The following PITPNA variants were observed in gnomAD, a reference collection of about 807,000 sequenced individuals.
PITPNA encodes phosphatidylinositol transfer protein alpha isoform.
PITPNA carries 13 observed loss-of-function variants against 50.3 expected under a neutral mutation model. That is an observed-to-expected ratio of 0.26 (90% confidence interval 0.17 to 0.41). The LOEUF (loss-of-function observed/expected upper bound fraction) is 0.41. Among genes scored for constraint, PITPNA ranks in the 10% least tolerant of loss-of-function variants. The pLI, the probability that PITPNA is intolerant of heterozygous loss-of-function variation, is 1.00. For synonymous variants in PITPNA, 120 were observed against 119.6 expected (o/e 1.00, Z -0.02); for missense variants, 207 against 333.4 (o/e 0.62, Z 2.95).
At chr17:1,556,941 AAATATTAT>A (rs543615976) in intron 2 of PITPNA, among the ~76,000 whole-genome samples, 97 of 152,240 alleles carry the variant, frequency 6.4e-4, no homozygotes, top group Admixed American at 3.3e-3. Context: ...TATTTAAAAT[AAATATTAT>A]AAAATAAAAA....
At chr17:1,543,076 G>A (rs2075655939) in intron 4 of PITPNA, 49 bp from the exon 5 acceptor site, 1 of 1,489,108 alleles carries the variant, frequency 6.7e-7, no homozygotes, top group African/African-American at 1.4e-5. Context: ...GATTAATGAA[G>A]ATGAAGAAAT....
chr17:1,541,460 G>T, intron 6 of PITPNA, 106 bp downstream of exon 6: 2 of 812,104 alleles, frequency 2.5e-6, no homozygotes, highest in Non-Finnish European at 4.3e-6. Context: ...TGCCTTCCCG[G>T]CCAGGCAAAA....
In PITPNA at chr17:1,534,161, C is replaced by T. The variant is rs917338059; in HGVS notation, c.706G>A (p.Val236Ile). 3.1e-6 allele frequency: 5 copies of T among 1,613,926 alleles called. No individual in the cohort carries two copies. Among genetic ancestry groups the T allele is most frequent in the Non-Finnish European group, 4.2e-6 (5 of 1,179,864 alleles). ...RQLFCWLDKW[V>I]DLTMDDIRRM... is the part of the protein sequence containing the mutation. ...CGAATGTCGTCCATGGTCAGGTCAA[C>T]CCACTTATCGAGCCAACAGAACAGC... The change falls in exon 10 of 12, where the codon GTT (valine) becomes ATT (isoleucine). Residue 236 changes from valine (V) to isoleucine (I), a missense_variant. By Grantham distance (29) the Val-to-Ile change is conservative (BLOSUM62 3). Transcript: ENST00000313486.
At chr17:1,546,748 G>T (rs576386633) in intron 4 of PITPNA, among the ~76,000 whole-genome samples, 1 of 152,244 alleles carries the variant, frequency 6.6e-6, no homozygotes, top group South Asian at 2.1e-4. Flanking sequence ...AGATGGCCCT[G>T]GAAACCTAGG....
At chr17:1,542,284 C>T (rs961825963) in intron 5 of PITPNA, among the ~76,000 whole-genome samples, 1 of 152,062 alleles carries the variant, frequency 6.6e-6, no homozygotes, top group Non-Finnish European at 1.5e-5. Flanking sequence ...ATGCATTTAG[C>T]CACTCTGGGT....
chr17:1,520,952 A>C (rs2075507759), intron 11 of PITPNA, among the ~76,000 whole-genome samples: 1 of 152,108 alleles, frequency 6.6e-6, no homozygotes, highest in African/African-American at 2.4e-5. Flanking sequence ...CGGGTGGTGT[A>C]CAGGGCACTG....
intron 2 of PITPNA, among the ~76,000 whole-genome samples, chr17:1,556,279 A>C (rs893658077): frequency 1.3e-5 from 2 of 152,232 alleles, no homozygotes; most frequent in African/African-American, 4.8e-5. Context: ...GACCACTGCC[A>C]GGCAGACAGG....
rs539555051 is a variant in PITPNA, at chr17:1,536,359, C to T, written c.457-841G>A. Among the ~76,000 whole-genome samples the T allele has an allele frequency of 4.0e-5, 6 of 149,786 alleles. No homozygotes were observed. In the East Asian group the frequency reaches 1.2e-3, roughly 30 times the overall value. ...CTGGAGTGCAGTAGCGCGATCTCGG[C>T]TCACTGCAAGCTCCATCTCCCAAGT... On this transcript the variant is annotated intron_variant, in intron 7 of 11. Coordinates refer to ENST00000313486, the MANE Select transcript of PITPNA (RefSeq NM_006224.4).
intron 10 of PITPNA, among the ~76,000 whole-genome samples, chr17:1,533,012 C>T (rs2075593735): frequency 6.6e-6 from 1 of 152,110 alleles, no homozygotes; most frequent in South Asian, 2.1e-4. Context: ...AAGCAGACAC[C>T]GTCCGTGCAG....
intron 10 of PITPNA, among the ~76,000 whole-genome samples, chr17:1,527,027 G>C (rs916154475): frequency 6.6e-6 from 1 of 152,022 alleles, no homozygotes; most frequent in East Asian, 1.9e-4. Context: ...CAAAGTGCTG[G>C]GATTACAGGT....
Position 1,562,374 on chromosome 17 carries a change from G to A in PITPNA, c.20+167C>T, listed in dbSNP as rs1310200179. Among the ~76,000 whole-genome samples, 1 of 147,692 alleles carries A rather than the reference G, an allele frequency of 6.8e-6. No homozygotes were observed. The highest frequency in any genetic ancestry group is 1.5e-5 in the Non-Finnish European group (1 of 66,742). On this transcript the variant is annotated intron_variant, in intron 1 of 11. Coordinates refer to ENST00000313486, the MANE Select transcript of PITPNA (RefSeq NM_006224.4). This position sits in a 1 kb window ranked among gnomAD's most constrained non-coding sequence, Gnocchi z 6.4. ...GTGCCCCGTGGGCCCCGCCTCACGT[G>A]CCGCCCGCCCCGGATCCCCTCCATC... is the stretch of plus-strand genomic sequence containing the variant.
intron 1 of PITPNA, among the ~76,000 whole-genome samples, chr17:1,560,052 A>C (rs2075760052): frequency 6.6e-6 from 1 of 152,230 alleles, no homozygotes; most frequent in Admixed American, 6.5e-5. Flanking sequence ...TGCAGAAATC[A>C]AATTAAACAG....
intron 2 of PITPNA, among the ~76,000 whole-genome samples, chr17:1,554,390 A>ATTTTTTTT (rs61238602): frequency 1.5e-5 from 1 of 66,092 alleles, no homozygotes; most frequent in Non-Finnish European, 2.9e-5. Context: ...GTGTTTCTCT[A>ATTTTTTTT]TTTTTTTTTT....
rs973487392 is a variant in PITPNA at position 1,519,804 on chromosome 17, CTG to C, written c.*755_*756del. 2.6e-5 allele frequency: 4 copies of C among 152,234 alleles called. No individual in the cohort carries two copies. The highest frequency in any genetic ancestry group is 1.3e-4 in the Admixed American group (2 of 15,262). 9.4% of individuals were successfully genotyped at this position (152,234 alleles called of 1,614,324 possible). On this transcript the variant is annotated 3_prime_UTR_variant, in exon 12 of 12. Coordinates refer to ENST00000313486, the MANE Select transcript of PITPNA (RefSeq NM_006224.4). ...CAATTCCCTCCAAGTGGAGAGTTGACTGGGGCGATTTTGTAGACTGCAGAGAG... is the reference window on the plus strand; with the variant it reads ...CAATTCCCTCCAAGTGGAGAGTTGACGGGCGATTTTGTAGACTGCAGAGAG...
At chr17:1,524,582 TAAA>T (rs1409644920) in intron 10 of PITPNA, among the ~76,000 whole-genome samples, 8 of 152,004 alleles carry the variant, frequency 5.3e-5, no homozygotes, top group Admixed American at 5.2e-4. Flanking sequence ...TCTATAATAA[TAAA>T]ATAGAGATAA....
intron 7 of PITPNA, among the ~76,000 whole-genome samples, chr17:1,536,336 G>A (rs1264381017): frequency 6.7e-6 from 1 of 148,586 alleles, no homozygotes; most frequent in Non-Finnish European, 1.5e-5. Flanking sequence ...TGGCCAGGCT[G>A]GAGTGCAGTA....
At chr17:1,524,343 CTTT>C (rs398041515) in intron 10 of PITPNA, among the ~76,000 whole-genome samples, 3,220 of 120,908 alleles carry the variant, frequency 0.027, 98 homozygotes, top group African/African-American at 0.094. Context: ...CGCACCTGGC[CTTT>C]TTTTTTTTTT....
At chr17:1,550,118 C>T (rs1016480561) in intron 3 of PITPNA, among the ~76,000 whole-genome samples, 27 of 152,338 alleles carry the variant, frequency 1.8e-4, no homozygotes, top group Middle Eastern at 6.8e-3. Flanking sequence ...CTGTGATTCA[C>T]GAACTCACTG....
chr17:1,561,395 A>T (rs952467870), intron 1 of PITPNA: 1 of 151,786 alleles, frequency 6.6e-6, no homozygotes, highest in Non-Finnish European at 1.5e-5. Flanking sequence ...ATCTCTCCTC[A>T]GTTCACGGCT....
Sources: allele counts gnomAD v4.1 joint callset (sites outside exome capture counted in the v4.1 genomes callset), GRCh38; gene constraint gnomAD v4.1.1; non-coding constraint Gnocchi (gnomAD v3.1); transcripts MANE v1.5; gene names NCBI Gene and HGNC (gene_info 2026-07-23, HGNC 2026-07-21).